The following ZNRF3 variants were observed in gnomAD, a reference collection of about 807,000 sequenced individuals.
The protein encoded by ZNRF3 is zinc and ring finger 3, also known as E3 ubiquitin-protein ligase ZNRF3.
A neutral mutation model predicts 72.5 loss-of-function variants in ZNRF3; 23 were observed. The observed-to-expected ratio is 0.32, with a 90% confidence interval of 0.23 to 0.45. The LOEUF (loss-of-function observed/expected upper bound fraction) is 0.45, where lower values mean the gene tolerates loss of function less well. Ranked by LOEUF, ZNRF3 falls within the 20% of genes least tolerant of loss-of-function variation. ZNRF3 has a pLI of 1.00. For synonymous variants in ZNRF3, 610 were observed against 545.3 expected (o/e 1.12, Z -1.65); for missense variants, 1,169 against 1,272.1 (o/e 0.92, Z 1.23).
intron 1 of ZNRF3, among the ~76,000 whole-genome samples, chr22:28,964,764 A>G (rs1355744935): frequency 6.6e-6 from 1 of 152,280 alleles, no homozygotes; most frequent in Non-Finnish European, 1.5e-5. Flanking sequence ...TGGACTCCTC[A>G]GCAACAGGGC....
At chr22:28,935,614 A>G (rs1343264423) in intron 1 of ZNRF3, among the ~76,000 whole-genome samples, 1 of 152,170 alleles carries the variant, frequency 6.6e-6, no homozygotes, top group Non-Finnish European at 1.5e-5. Context: ...CCACACCAAC[A>G]TCCCTGACAC....
At chr22:29,004,644 A>T (rs568877557) in intron 2 of ZNRF3, among the ~76,000 whole-genome samples, 27 of 152,312 alleles carry the variant, frequency 1.8e-4, no homozygotes, top group Non-Finnish European at 2.9e-4. Flanking sequence ...AAAGGCAGAC[A>T]TCAGAGAACT....
At chr22:28,965,349 A>G (rs1037547459) in intron 1 of ZNRF3, among the ~76,000 whole-genome samples, 2 of 152,200 alleles carry the variant, frequency 1.3e-5, no homozygotes, top group African/African-American at 4.8e-5. Context: ...CTGTTCTGCT[A>G]GTTTTATAGG....
At chr22:28,899,693 C>CTTTT (rs1299023459) in intron 1 of ZNRF3, among the ~76,000 whole-genome samples, 3 of 132,758 alleles carry the variant, frequency 2.3e-5, no homozygotes, top group South Asian at 2.4e-4. Flanking sequence ...TTCTTTCTTT[C>CTTTT]TTTTTTTTTT....
Position 29,050,759 on chromosome 22 carries a change from G to A in ZNRF3, c.2578G>A (p.Gly860Ser). Residue 860 changes from glycine (G) to serine (S), a missense_variant, in exon 8 of 9, where the codon GGC (glycine) becomes AGC (serine). By Grantham distance (56) the Gly-to-Ser change is moderately conservative. Transcript: ENST00000544604. ...CCTCGGCTCCTGGGGTGGGACGCGAGGCCCGGATACCCCACGGCCCCACAG... is the reference window on the plus strand; with the variant it reads ...CCTCGGCTCCTGGGGTGGGACGCGAAGCCCGGATACCCCACGGCCCCACAG... Reference protein sequence around the residue: ...HSLGSWGGTRGPDTPRPHRGL... With the variant: ...HSLGSWGGTRSPDTPRPHRGL... 2.5e-6 allele frequency: 4 copies of A among 1,608,014 alleles called. No individual in the cohort carries two copies. Among genetic ancestry groups the A allele is most frequent in the Non-Finnish European group, 3.4e-6 (4 of 1,177,578 alleles).
chr22:28,936,982 A>G (rs1427225733), intron 1 of ZNRF3, among the ~76,000 whole-genome samples: 1 of 151,922 alleles, frequency 6.6e-6, no homozygotes, highest in Non-Finnish European at 1.5e-5. Context: ...GTAACTTAAC[A>G]TGACACCTCA....
intron 2 of ZNRF3, among the ~76,000 whole-genome samples, chr22:29,027,549 C>T (rs2036662997): frequency 6.6e-6 from 1 of 151,932 alleles, no homozygotes; most frequent in Admixed American, 6.6e-5. Context: ...ATGCCTGGCC[C>T]CCTCTATTAT....
chr22:28,894,303 ATATTCCTATCAT>A (rs2033951589), intron 1 of ZNRF3, among the ~76,000 whole-genome samples: 1 of 151,124 alleles, frequency 6.6e-6, no homozygotes, highest in East Asian at 2.0e-4. Context: ...GAAAGTCTAT[ATATTCCTATCAT>A]TTAGTAAATA....
chr22:29,022,492 T>A (rs1473841898), intron 2 of ZNRF3, among the ~76,000 whole-genome samples: 2 of 152,170 alleles, frequency 1.3e-5, no homozygotes, highest in Non-Finnish European at 2.9e-5. Context: ...TGTAGCATGG[T>A]CTCATGATAG....
chr22:29,028,560 G>T (rs891032947), intron 2 of ZNRF3, among the ~76,000 whole-genome samples: 12 of 152,134 alleles, frequency 7.9e-5, no homozygotes, highest in Non-Finnish European at 1.3e-4. Flanking sequence ...CATTACACTT[G>T]ATTTTAGAAC....
intron 1 of ZNRF3, among the ~76,000 whole-genome samples, chr22:28,983,464 C>A (rs1413244463): frequency 1.3e-5 from 2 of 152,230 alleles, no homozygotes; most frequent in African/African-American, 4.8e-5. Flanking sequence ...CCACTTCCAC[C>A]TCACTGGCTG....
At chr22:28,965,722 C>T (rs1210068333) in intron 1 of ZNRF3, among the ~76,000 whole-genome samples, 1 of 152,160 alleles carries the variant, frequency 6.6e-6, no homozygotes, top group Non-Finnish European at 1.5e-5. Flanking sequence ...ATCTGGTTTG[C>T]AGGTGGTAGA....
In ZNRF3 at chr22:29,048,247, T is replaced by C. The variant is rs558096104; in HGVS notation, c.913-142T>C. 17 of 614,052 alleles carry C rather than the reference T, an allele frequency of 2.8e-5. 1 individual carries two copies. Among genetic ancestry groups the C allele is most frequent in the South Asian group, 1.9e-4 (9 of 46,196 alleles). 38.0% of individuals were successfully genotyped at this position (614,052 alleles called of 1,614,324 possible). On this transcript the variant is annotated intron_variant, in intron 6 of 8. Transcript: ENST00000544604. This position sits in a 1 kb window ranked among gnomAD's most constrained non-coding sequence, Gnocchi z 4.9. The stretch of plus-strand genomic sequence containing the variant: ...ATGGGTGGGCCCTGCTTCTAGGGAA[T>C]TGAGCCCTAATTGGAGGTGGGGAGG...
chr22:28,896,112 G>A (rs745886101), intron 1 of ZNRF3, among the ~76,000 whole-genome samples: 4 of 150,666 alleles, frequency 2.7e-5, no homozygotes, highest in Non-Finnish European at 5.9e-5. Flanking sequence ...CATCACGCCC[G>A]GCTAATTTTT....
chr22:28,957,999 A>G (rs1056000688), intron 1 of ZNRF3, among the ~76,000 whole-genome samples: 2 of 152,054 alleles, frequency 1.3e-5, no homozygotes, highest in Non-Finnish European at 2.9e-5. Flanking sequence ...CATCCTGGCT[A>G]ACACGGTGAA....
chr22:28,922,361 T>C (rs1030948146), intron 1 of ZNRF3, among the ~76,000 whole-genome samples: 3 of 152,216 alleles, frequency 2.0e-5, no homozygotes, highest in Admixed American at 6.5e-5. Context: ...TGAAAGTAAA[T>C]AAATGCATGT....
At chr22:29,010,383 A>G (rs1008809307) in intron 2 of ZNRF3, among the ~76,000 whole-genome samples, 1 of 152,142 alleles carries the variant, frequency 6.6e-6, no homozygotes, top group African/African-American at 2.4e-5. Context: ...TTCACGTGGC[A>G]TAATGCCTTC....
At chr22:28,943,017 T>G (rs921930735) in intron 1 of ZNRF3, among the ~76,000 whole-genome samples, 1 of 152,198 alleles carries the variant, frequency 6.6e-6, no homozygotes, top group Non-Finnish European at 1.5e-5. Context: ...CTTGCAGGTA[T>G]GTTGAAAGAT....
Position 29,054,018 on chromosome 22 carries a change from A to T in ZNRF3, c.*396A>T, listed in dbSNP as rs2037256143. On this transcript the variant is annotated 3_prime_UTR_variant, in exon 9 of 9. Coordinates refer to ENST00000544604, the MANE Select transcript of ZNRF3 (RefSeq NM_001206998.2). Reference sequence around the variant, plus strand: ...CCAACTTTTGCTGAAAAAGAAAAAAAAATCACTGCTGCATTAAATGAACCA... The same window carrying T: ...CCAACTTTTGCTGAAAAAGAAAAAATAATCACTGCTGCATTAAATGAACCA... 1 of 157,654 alleles carries T rather than the reference A, an allele frequency of 6.3e-6. No individual in the cohort carries two copies. Among genetic ancestry groups the T allele is most frequent in the South Asian group, 1.9e-4 (1 of 5,306 alleles). 9.8% of individuals were successfully genotyped at this position (157,654 alleles called of 1,614,324 possible). A position where few individuals can be genotyped will look rare whatever the true frequency, so the allele number is the denominator to read the frequency against.
Sources: gnomAD v4.1 joint callset for allele counts (sites outside exome capture counted in the v4.1 genomes callset) on GRCh38, gnomAD v4.1.1 for gene constraint, Gnocchi (gnomAD v3.1) non-coding constraint, MANE v1.5 for transcripts, NCBI Gene and HGNC (gene_info 2026-07-23, HGNC 2026-07-21) for gene names.